ZC3H18: variants seen among roughly 807,000 people sequenced by gnomAD.
ZC3H18 encodes the protein zinc finger CCCH domain-containing protein 18.
ZC3H18 carries 8 observed loss-of-function variants against 106.1 expected under a neutral mutation model. That is an observed-to-expected ratio of 0.08 (90% CI 0.04 to 0.14). ZC3H18 has a LOEUF of 0.14. Among genes scored for constraint, ZC3H18 ranks in the 10% least tolerant of loss-of-function variants. ZC3H18 has a pLI of 1.00. For synonymous variants in ZC3H18, 635 were observed against 522.1 expected, an observed-to-expected ratio of 1.22 and a Z score of -2.95; for missense variants, 1,318 against 1,278.4, an observed-to-expected ratio of 1.03 and a Z score of -0.47.
intron 3 of ZC3H18, 134 bp downstream of exon 3, chr16:88,586,818 GT>G: frequency 3.2e-6 from 2 of 629,354 alleles, no homozygotes; most frequent in Non-Finnish European, 5.7e-6. Context: ...GGTGGTGGTG[GT>G]GGTGGTGGTG....
intron 13 of ZC3H18, 169 bp downstream of exon 13, chr16:88,625,436 A>T: frequency 1.3e-6 from 1 of 763,606 alleles, no homozygotes; most frequent in Non-Finnish European, 2.1e-6. Flanking sequence ...GACACAGGAG[A>T]AAATGGGCCA....
At chr16:88,582,489 TGAGCTCTTCTGCAGAA>T (rs1015239915) in intron 2 of ZC3H18, among the ~76,000 whole-genome samples, 1 of 152,188 alleles carries the variant, frequency 6.6e-6, no homozygotes, top group Non-Finnish European at 1.5e-5. Flanking sequence ...TCTGGATCCA[TGAGCTCTTCTGCAGAA>T]GATTCTTCAG....
intron 3 of ZC3H18, chr16:88,587,573 A>G: frequency 6.5e-7 from 1 of 1,536,060 alleles, no homozygotes; most frequent in Non-Finnish European, 8.7e-7. Context: ...CTCTTCTTCC[A>G]CCAATATCCA....
chr16:88,585,167 G>T (rs1307529128), intron 2 of ZC3H18, among the ~76,000 whole-genome samples: 2 of 152,174 alleles, frequency 1.3e-5, no homozygotes, highest in African/African-American at 4.8e-5. Context: ...TGTTATGTTT[G>T]ATCATTTCTT....
chr16:88,615,490 G>A (rs1157281271), intron 8 of ZC3H18, among the ~76,000 whole-genome samples: 2 of 152,228 alleles, frequency 1.3e-5, no homozygotes, highest in Non-Finnish European at 2.9e-5. Flanking sequence ...GGTGCTGTCC[G>A]TGAGTTTTGG....
chr16:88,605,609 A>C (rs4782379), intron 6 of ZC3H18, among the ~76,000 whole-genome samples: 62,607 of 152,190 alleles, frequency 0.41, 13,520 homozygotes, highest in East Asian at 0.55. Flanking sequence ...GAATTGTGCA[A>C]ATGCAAGTTG....
intron 2 of ZC3H18, among the ~76,000 whole-genome samples, chr16:88,585,476 G>A (rs1915380478): frequency 6.6e-6 from 1 of 152,232 alleles, no homozygotes; most frequent in African/African-American, 2.4e-5. Context: ...AGCCAGGCAG[G>A]TGGTGGTGTC....
At chr16:88,603,448 C>T (rs1315659068) in intron 6 of ZC3H18, among the ~76,000 whole-genome samples, 1 of 151,128 alleles carries the variant, frequency 6.6e-6, no homozygotes, top group East Asian at 2.1e-4. Flanking sequence ...CGGTGAAACC[C>T]CATCTCTACT....
chr16:88,611,046 G>A (rs1905244070), intron 7 of ZC3H18, among the ~76,000 whole-genome samples: 1 of 152,222 alleles, frequency 6.6e-6, no homozygotes, highest in Non-Finnish European at 1.5e-5. Flanking sequence ...CCCCACTTGA[G>A]GGTGCTCCCT....
chr16:88,627,612 G>T lies in ZC3H18; in HGVS notation c.2109-10G>T. 6.3e-7 allele frequency: 1 copy of T among 1,594,106 alleles called. No individual in the cohort carries two copies. The highest frequency in any genetic ancestry group is 1.1e-5 in the South Asian group (1 of 89,820). On this transcript the variant is annotated splice_polypyrimidine_tract_variant and intron_variant, in intron 13 of 17. Coordinates refer to ENST00000301011, the MANE Select transcript of ZC3H18 (RefSeq NM_144604.4). The surrounding 1 kb of genome is among the most constrained non-coding windows in gnomAD (Gnocchi z 4.5). The stretch of plus-strand genomic sequence containing the variant: ...GGCTGGGGTGTGGTGAGATGTGCTT[G>T]TGTGTCCAGGTCCCTGAGCGTGAGC...
At chr16:88,619,996 A>T (rs1042779550) in intron 8 of ZC3H18, among the ~76,000 whole-genome samples, 2 of 152,170 alleles carry the variant, frequency 1.3e-5, no homozygotes, top group Non-Finnish European at 2.9e-5. Context: ...AGATGTGGCA[A>T]TAGCTCTTGG....
rs1221484840 is a variant in ZC3H18, at chr16:88,631,652, G to C, written c.*353G>C. 1 of 473,420 alleles carries C rather than the reference G, an allele frequency of 2.1e-6. No homozygotes were observed. The highest frequency in any genetic ancestry group is 2.3e-5 in the Admixed American group (1 of 42,932). 29.3% of individuals were successfully genotyped at this position (473,420 alleles called of 1,614,324 possible). ...GTGGAGCCCCAGCTCTGGGTCCCTA[G>C]CCCGGGTCCAGGCAGCCAGGCTCCC... On this transcript the variant is annotated 3_prime_UTR_variant, in exon 18 of 18. Transcript: ENST00000301011.
chr16:88,623,850 A>T, intron 10 of ZC3H18, 108 bp from the exon 11 acceptor site: 1 of 1,471,770 alleles, frequency 6.8e-7, no homozygotes, highest in Non-Finnish European at 9.0e-7. Context: ...GAGGCACATA[A>T]ATGGAAATTC....
intron 6 of ZC3H18, among the ~76,000 whole-genome samples, chr16:88,607,577 C>G (rs192567762): frequency 6.6e-6 from 1 of 152,284 alleles, no homozygotes; most frequent in Non-Finnish European, 1.5e-5. Context: ...TTCATGCACA[C>G]TTTGTATCAG....
intron 3 of ZC3H18, among the ~76,000 whole-genome samples, chr16:88,595,572 C>G (rs55794976): frequency 1.3e-5 from 2 of 149,932 alleles, no homozygotes; most frequent in African/African-American, 4.9e-5. Flanking sequence ...TTTGGGAGGC[C>G]GAGGTGGGCG....
chr16:88,608,207 CAG>C (rs911125139), intron 6 of ZC3H18, among the ~76,000 whole-genome samples: 6 of 152,208 alleles, frequency 3.9e-5, no homozygotes, highest in Admixed American at 3.3e-4. Flanking sequence ...CTTGTCCAGT[CAG>C]GGGGTGCCTC....
rs544190423 is a variant in ZC3H18 at position 88,584,344 on chromosome 16, C to A, written c.604-2256C>A. Among the ~76,000 whole-genome samples the A allele has an allele frequency of 2.0e-5, 3 of 152,028 alleles. No homozygotes were observed. In the South Asian group the frequency reaches 6.2e-4, roughly 32 times the overall value. ...GGCTGAGGCAAGAGAATTGCTTGAACCCGGGAGGCAGAGGTTGCAGTGAAC... is the reference window on the plus strand; with the variant it reads ...GGCTGAGGCAAGAGAATTGCTTGAAACCGGGAGGCAGAGGTTGCAGTGAAC... On this transcript the variant is annotated intron_variant, in intron 2 of 17. Coordinates refer to ENST00000301011, the MANE Select transcript of ZC3H18 (RefSeq NM_144604.4).
chr16:88,574,640 C>T (rs1027443156), intron 1 of ZC3H18, among the ~76,000 whole-genome samples: 12 of 148,252 alleles, frequency 8.1e-5, no homozygotes, highest in African/African-American at 2.5e-4. Context: ...GTAGCTGGGA[C>T]GACAGGTGCC....
intron 10 of ZC3H18, 116 bp from the exon 11 acceptor site, chr16:88,623,842 G>A (rs1906121972): frequency 6.8e-7 from 1 of 1,460,408 alleles, no homozygotes; most frequent in Non-Finnish European, 9.1e-7. Flanking sequence ...TTAAAACTGA[G>A]GCACATAAAT....
Sources: gnomAD v4.1 joint callset for allele counts (sites outside exome capture counted in the v4.1 genomes callset) on GRCh38, gnomAD v4.1.1 for gene constraint, Gnocchi (gnomAD v3.1) non-coding constraint, MANE v1.5 for transcripts, NCBI Gene and HGNC (gene_info 2026-07-23, HGNC 2026-07-21) for gene names.